JMJD1C: variants seen among roughly 807,000 people sequenced by gnomAD.
The protein encoded by JMJD1C is jumonji domain containing 1C.
In JMJD1C, 31 loss-of-function variants were observed where a neutral mutation model predicts 245.3. The ratio of observed to expected loss-of-function variants is 0.13; its 90% CI spans 0.09 to 0.17. The LOEUF is 0.17. Ranked by LOEUF, JMJD1C falls within the 10% of genes least tolerant of loss-of-function variation. JMJD1C has a pLI of 1.00. For missense variants in JMJD1C, 2,691 were observed against 3,000.2 expected (o/e 0.90, Z 2.41); for synonymous variants, 1,057 against 1,017.4 (o/e 1.04, Z -0.74).
rs934299384 is a variant in JMJD1C at position 63,206,955 on chromosome 10, C to T, written c.4714G>A (p.Gly1572Arg). 6.2e-7 allele frequency: 1 copy of T among 1,612,084 alleles called. No homozygotes were observed. The highest frequency in any genetic ancestry group is 1.7e-5 in the Admixed American group (1 of 59,562). The change falls in exon 10 of 26, where the codon GGG becomes AGG. Residue 1572 changes from glycine to arginine, a missense_variant. By Grantham distance (125) the Gly-to-Arg change is moderately radical. Transcript: ENST00000399262. ...TTAATAATTTCTGATACAGAATTCC[C>T]TGAATTTTCCATTTTATTAGTATTT... ...DKNTNKMENSGNSVSEIIKPC... is the reference protein window; with the variant it reads ...DKNTNKMENSRNSVSEIIKPC...
At chr10:63,269,565 T>G (rs926094526) in intron 2 of JMJD1C, among the ~76,000 whole-genome samples, 2 of 152,242 alleles carry the variant, frequency 1.3e-5, no homozygotes, top group African/African-American at 2.4e-5. Flanking sequence ...ATACTTTGTA[T>G]GTTTTTGGGC....
intron 2 of JMJD1C, among the ~76,000 whole-genome samples, chr10:63,311,511 C>A (rs1939195677): frequency 6.6e-6 from 1 of 151,910 alleles, no homozygotes; most frequent in Non-Finnish European, 1.5e-5. Context: ...AAAAGAAAAA[C>A]CAAGAAACCT....
chr10:63,225,704 G>A (rs897443105), intron 3 of JMJD1C, among the ~76,000 whole-genome samples: 4 of 151,678 alleles, frequency 2.6e-5, no homozygotes, highest in Non-Finnish European at 5.9e-5. Flanking sequence ...ACTTGAACCC[G>A]GGAGGTAGAG....
At chr10:63,382,927 C>G in intron 1 of JMJD1C, 1 of 453,292 alleles carries the variant, frequency 2.2e-6, no homozygotes, top group South Asian at 1.6e-5. Flanking sequence ...ACTGCAATTA[C>G]TTTTTTTATA....
At chr10:63,185,378 C>T (rs1262612132) in intron 20 of JMJD1C, among the ~76,000 whole-genome samples, 185 bp downstream of exon 20, 1 of 152,204 alleles carries the variant, frequency 6.6e-6, no homozygotes, top group Non-Finnish European at 1.5e-5. Flanking sequence ...GCGATCCCCT[C>T]GCCTTGGCCT....
intron 20 of JMJD1C, 24 bp from the exon 21 acceptor site, chr10:63,184,762 CT>C: frequency 1.9e-6 from 3 of 1,587,724 alleles, no homozygotes; most frequent in Non-Finnish European, 1.7e-6. Flanking sequence ...ACATTGCCTT[CT>C]TATAAATAAA....
chr10:63,271,346 T>G (rs1856274855), intron 2 of JMJD1C, among the ~76,000 whole-genome samples: 1 of 151,464 alleles, frequency 6.6e-6, no homozygotes, highest in African/African-American at 2.4e-5. Flanking sequence ...CCGGCTAATT[T>G]TTGTATTTTC....
intron 1 of JMJD1C, among the ~76,000 whole-genome samples, chr10:63,494,987 C>T (rs12354799): frequency 0.13 from 19,192 of 152,174 alleles, 1,547 homozygotes; most frequent in South Asian, 0.28. Flanking sequence ...CTATAAGCTT[C>T]CATACAAAAG....
chr10:63,476,215 A>G (rs1193158624), intron 1 of JMJD1C, among the ~76,000 whole-genome samples: 1 of 149,088 alleles, frequency 6.7e-6, no homozygotes, highest in Admixed American at 6.7e-5. Context: ...GTCTAAAAAT[A>G]AACAAATATA....
intron 1 of JMJD1C, among the ~76,000 whole-genome samples, chr10:63,460,828 C>T (rs1167665832): frequency 6.6e-6 from 1 of 151,932 alleles, no homozygotes; most frequent in African/African-American, 2.4e-5. Flanking sequence ...TATCCCTATA[C>T]AAAGACGATA....
At chr10:63,217,523 C>G (rs1188449603) in intron 4 of JMJD1C, among the ~76,000 whole-genome samples, 192 bp from the exon 5 acceptor site, 1 of 152,062 alleles carries the variant, frequency 6.6e-6, no homozygotes, top group East Asian at 1.9e-4. Context: ...GCACTAGACC[C>G]ACATACTTCC....
intron 2 of JMJD1C, among the ~76,000 whole-genome samples, chr10:63,361,380 G>A (rs568534156): frequency 6.6e-6 from 1 of 152,224 alleles, no homozygotes; most frequent in Non-Finnish European, 1.5e-5. Context: ...CTGAGATTGC[G>A]CCATTGCACT....
At chr10:63,197,781 G>A (rs1371025198) in intron 12 of JMJD1C, among the ~76,000 whole-genome samples, 1 of 152,184 alleles carries the variant, frequency 6.6e-6, no homozygotes, top group Non-Finnish European at 1.5e-5. Flanking sequence ...GTACATCTAA[G>A]CAGGGTTTCT....
At position 63,191,570 on chromosome 10, in the gene JMJD1C, T is replaced by A. The variant is rs141169011; in HGVS notation, c.6077-462A>T. Among the ~76,000 whole-genome samples, 4 of 152,160 alleles carry A rather than the reference T, an allele frequency of 2.6e-5. No individual in the cohort carries two copies. The East Asian group carries it at 7.7e-4, about 29-fold the overall frequency. On this transcript the variant is annotated intron_variant, in intron 16 of 25. Coordinates refer to ENST00000399262, the MANE Select transcript of JMJD1C (RefSeq NM_032776.3). The stretch of plus-strand genomic sequence containing the variant: ...AACACAAACCTGAGGATGAGTGAGG[T>A]TTGAGACCAGCTTGGCCAAATGGAT...
At chr10:63,264,591 CTG>C in intron 3 of JMJD1C, 58 bp downstream of exon 3, 2 of 747,734 alleles carry the variant, frequency 2.7e-6, no homozygotes, top group South Asian at 3.4e-5. Flanking sequence ...TAAAGAATGT[CTG>C]AATATCAATA....
chr10:63,281,283 C>G (rs1020842518), intron 2 of JMJD1C, among the ~76,000 whole-genome samples: 1 of 149,942 alleles, frequency 6.7e-6, no homozygotes, highest in African/African-American at 2.5e-5. Context: ...TACAGGCACA[C>G]GCCACCATGC....
At chr10:63,466,748 G>C (rs1953305226), upstream of JMJD1C, among the ~76,000 whole-genome samples, 1 of 151,754 alleles carries the variant, frequency 6.6e-6, no homozygotes, top group South Asian at 2.1e-4. Flanking sequence ...AAAATACCAT[G>C]GAAAGAAAAG....
At chr10:63,407,290 G>T (rs894942770) in intron 1 of JMJD1C, among the ~76,000 whole-genome samples, 2 of 152,178 alleles carry the variant, frequency 1.3e-5, no homozygotes, top group African/African-American at 4.8e-5. Flanking sequence ...AACAGGTTGA[G>T]GGCAGAGATT....
chr10:63,369,759 A>G (rs1374827882), intron 2 of JMJD1C, among the ~76,000 whole-genome samples: 1 of 152,204 alleles, frequency 6.6e-6, no homozygotes, highest in Admixed American at 6.5e-5. Flanking sequence ...AAGAAGAAAA[A>G]GATGCCTGGG....
Sources: allele counts gnomAD v4.1 joint callset (sites outside exome capture counted in the v4.1 genomes callset), GRCh38; gene constraint gnomAD v4.1.1; transcripts MANE v1.5; gene names NCBI Gene and HGNC (gene_info 2026-07-23, HGNC 2026-07-21).